The following GRIK3 variants were observed in gnomAD, a reference collection of about 807,000 sequenced individuals.
GRIK3 encodes glutamate receptor ionotropic, kainate 3.
A neutral mutation model predicts 102.5 loss-of-function variants in GRIK3; 29 were observed. The ratio of observed to expected loss-of-function variants is 0.28; its 90% CI spans 0.21 to 0.39. The LOEUF (loss-of-function observed/expected upper bound fraction) is 0.39, where lower values mean the gene tolerates loss of function less well. GRIK3 is among the 10% of genes least tolerant of loss of function. The pLI, the probability that GRIK3 is intolerant of heterozygous loss-of-function variation, is 1.00. For synonymous variants in GRIK3, 511 were observed against 504.9 expected, an observed-to-expected ratio of 1.01 and a Z score of -0.16; for missense variants, 908 against 1,252.4, an observed-to-expected ratio of 0.73 and a Z score of 4.15.
intron 5 of GRIK3, 113 bp downstream of exon 5, chr1:36,869,635 C>G: frequency 1.2e-6 from 1 of 829,476 alleles, no homozygotes; most frequent in Non-Finnish European, 2.1e-6. Context: ...ACCCCTACAG[C>G]CTGAGGAAGC....
At chr1:36,970,684 C>A (rs1328113818) in intron 1 of GRIK3, among the ~76,000 whole-genome samples, 1 of 152,186 alleles carries the variant, frequency 6.6e-6, no homozygotes, top group Non-Finnish European at 1.5e-5. Context: ...CTCTAGGGTT[C>A]CTCTTCCCCA....
chr1:36,960,583 T>G (rs1253676566), intron 1 of GRIK3, among the ~76,000 whole-genome samples: 1 of 152,178 alleles, frequency 6.6e-6, no homozygotes, highest in East Asian at 1.9e-4. Context: ...GGTCCACTCC[T>G]GGGCTGGGCC....
At chr1:37,033,947 G>C in intron 1 of GRIK3, 47 bp downstream of exon 1, 2 of 1,117,564 alleles carry the variant, frequency 1.8e-6, no homozygotes, top group Non-Finnish European at 1.3e-6. Flanking sequence ...CCTCATTCCC[G>C]CCCCCTCCCG....
At chr1:36,879,190 C>T (rs1233812294) in intron 3 of GRIK3, among the ~76,000 whole-genome samples, 6 of 152,068 alleles carry the variant, frequency 3.9e-5, no homozygotes, top group Admixed American at 3.9e-4. Flanking sequence ...GTAGTGCTTG[C>T]CAAGACCAAG....
intron 1 of GRIK3, among the ~76,000 whole-genome samples, chr1:36,897,827 T>G (rs1641190026): frequency 6.6e-6 from 1 of 152,172 alleles, no homozygotes; most frequent in Non-Finnish European, 1.5e-5. Flanking sequence ...GTATATTGAA[T>G]AGATATCTGC....
intron 13 of GRIK3, among the ~76,000 whole-genome samples, chr1:36,810,145 T>A (rs1411070596): frequency 6.6e-6 from 1 of 152,172 alleles, no homozygotes; most frequent in Non-Finnish European, 1.5e-5. Flanking sequence ...GTGGCTTGTC[T>A]AAGCAGGGAT....
In GRIK3 at chr1:36,976,524, A is replaced by G. The variant is rs896646179; in HGVS notation, c.115+57470T>C. On this transcript the variant is annotated intron_variant, in intron 1 of 15. Transcript: ENST00000373091. ...CCCCATGGGCCATGGACCTTGGCAG[A>G]CAAGAATGCCAAGGTGGACAAGGTC... Among the ~76,000 whole-genome samples, 5 of 152,226 alleles carry G rather than the reference A, an allele frequency of 3.3e-5. No individual in the cohort carries two copies. The South Asian group carries it at 1.0e-3, about 32-fold the overall frequency.
intron 1 of GRIK3, among the ~76,000 whole-genome samples, chr1:37,019,010 C>T (rs1163403884): frequency 2.0e-5 from 3 of 152,134 alleles, no homozygotes; most frequent in East Asian, 3.9e-4. Flanking sequence ...CCAAGAACAG[C>T]CATGTCCAGG....
In GRIK3 at chr1:37,030,554, C is replaced by A. The variant is rs532897952; in HGVS notation, c.115+3440G>T. Among the ~76,000 whole-genome samples, 462 of 137,008 alleles carry A rather than the reference C, an allele frequency of 3.4e-3. 4 individuals are homozygous for A. Among genetic ancestry groups the A allele is most frequent in the Non-Finnish European group, 5.5e-3 (350 of 64,026 alleles). 89.9% of individuals were successfully genotyped at this position (137,008 alleles called of 152,430 possible). ...TTCCCCACCCCCCACCCCCTCCCCC[C>A]CCCCAACACCTGCTTTATGTCTCTG... On this transcript the variant is annotated intron_variant, in intron 1 of 15. Coordinates refer to ENST00000373091, the MANE Select transcript of GRIK3 (RefSeq NM_000831.4).
intron 10 of GRIK3, among the ~76,000 whole-genome samples, chr1:36,836,988 C>A (rs537839376): frequency 5.3e-5 from 8 of 152,062 alleles, no homozygotes; most frequent in South Asian, 2.1e-4. Context: ...ACCCTCCCCC[C>A]CTTTCTAGTA....
chr1:36,892,822 A>G (rs1166967127), intron 1 of GRIK3, among the ~76,000 whole-genome samples: 1 of 152,238 alleles, frequency 6.6e-6, no homozygotes, highest in Non-Finnish European at 1.5e-5. Flanking sequence ...TTCTAATAGC[A>G]TATGAAAACA....
chr1:36,913,903 C>A (rs1427961796), intron 1 of GRIK3, among the ~76,000 whole-genome samples: 2 of 152,214 alleles, frequency 1.3e-5, no homozygotes, highest in Non-Finnish European at 1.5e-5. Context: ...CTCCCAAAAC[C>A]AACACAAATG....
intron 1 of GRIK3, among the ~76,000 whole-genome samples, chr1:36,892,329 C>A (rs1234940856): frequency 6.6e-6 from 1 of 152,096 alleles, no homozygotes; most frequent in Non-Finnish European, 1.5e-5. Flanking sequence ...GACTACAATT[C>A]CAGTTTTAAA....
At chr1:36,802,190 G>A (rs1642450312) in intron 15 of GRIK3, 145 bp from the exon 16 acceptor site, 2 of 591,486 alleles carry the variant, frequency 3.4e-6, no homozygotes, top group African/African-American at 3.7e-5. Flanking sequence ...CCATCCCTCT[G>A]CCACCTGCAG....
chr1:36,849,054 C>A (rs904336438), intron 9 of GRIK3, among the ~76,000 whole-genome samples: 2 of 152,168 alleles, frequency 1.3e-5, no homozygotes, highest in African/African-American at 4.8e-5. Flanking sequence ...ATCATCCTAA[C>A]CCCGAGGGCC....
intron 1 of GRIK3, among the ~76,000 whole-genome samples, chr1:36,971,051 T>C (rs1224792660): frequency 6.6e-6 from 1 of 152,214 alleles, no homozygotes; most frequent in African/African-American, 2.4e-5. Context: ...GCTTTACTGC[T>C]GTGGGACATT....
intron 1 of GRIK3, among the ~76,000 whole-genome samples, chr1:36,900,939 T>C (rs957370882): frequency 6.6e-6 from 1 of 152,178 alleles, no homozygotes; most frequent in African/African-American, 2.4e-5. Flanking sequence ...GTCCACTAAT[T>C]TGCTAACCTA....
chr1:36,974,580 C>A (rs1358266624), intron 1 of GRIK3, among the ~76,000 whole-genome samples: 5 of 151,816 alleles, frequency 3.3e-5, no homozygotes, highest in African/African-American at 9.7e-5. Context: ...GGGTGGATCA[C>A]GAGGTCAGGA....
Position 36,806,712 on chromosome 1 carries a change from A to G in GRIK3, c.2092-386T>C, listed in dbSNP as rs554620463. Among the ~76,000 whole-genome samples the G allele has an allele frequency of 3.3e-4, 50 of 152,344 alleles. No individual in the cohort carries two copies. Among genetic ancestry groups the G allele is most frequent in the African/African-American group, 1.2e-3 (49 of 41,564 alleles). ...ATTCTTCACAGCGCTCACAGGAGGCAGGCACCATCACAAGCCCCATTTTAC... is the reference window on the plus strand; with the variant it reads ...ATTCTTCACAGCGCTCACAGGAGGCGGGCACCATCACAAGCCCCATTTTAC... On this transcript the variant is annotated intron_variant, in intron 13 of 15. Coordinates refer to ENST00000373091, the MANE Select transcript of GRIK3 (RefSeq NM_000831.4). This position sits in a 1 kb window ranked among gnomAD's most constrained non-coding sequence, Gnocchi z 4.0.
Sources: allele counts gnomAD v4.1 joint callset (sites outside exome capture counted in the v4.1 genomes callset), GRCh38; gene constraint gnomAD v4.1.1; non-coding constraint Gnocchi (gnomAD v3.1); transcripts MANE v1.5; gene names NCBI Gene and HGNC (gene_info 2026-07-23, HGNC 2026-07-21).